The following SGCZ variants were observed in gnomAD, a reference collection of about 807,000 sequenced individuals.
SGCZ encodes the protein zeta-sarcoglycan.
A neutral mutation model predicts 41.3 loss-of-function variants in SGCZ; 40 were observed. That is an observed-to-expected ratio of 0.97 (90% CI 0.75 to 1.26). The LOEUF (loss-of-function observed/expected upper bound fraction) is 1.26, where lower values mean the gene tolerates loss of function less well. Among genes scored for constraint, SGCZ ranks in the 50% most tolerant of loss-of-function variants. SGCZ has a pLI of 0.00. For synonymous variants in SGCZ, 206 were observed against 137.5 expected, an observed-to-expected ratio of 1.50 and a Z score of -3.49; for missense variants, 552 against 369.8, an observed-to-expected ratio of 1.49 and a Z score of -4.04.
At chr8:14,618,429 G>T (rs1425793600) in intron 1 of SGCZ, among the ~76,000 whole-genome samples, 1 of 152,094 alleles carries the variant, frequency 6.6e-6, no homozygotes, top group Non-Finnish European at 1.5e-5. Context: ...TAGCCAGAAA[G>T]TCCAGTATAG....
At chr8:15,144,330 G>C (rs1169053864) in intron 1 of SGCZ, among the ~76,000 whole-genome samples, 2 of 152,128 alleles carry the variant, frequency 1.3e-5, no homozygotes, top group African/African-American at 2.4e-5. Flanking sequence ...TACAGCTTCT[G>C]TGTTATTTTT....
chr8:15,021,962 T>C (rs527300662), intron 1 of SGCZ, among the ~76,000 whole-genome samples: 3 of 152,328 alleles, frequency 2.0e-5, no homozygotes, highest in South Asian at 4.1e-4. Flanking sequence ...GACCCAATTT[T>C]ATGGAAATAA....
At chr8:14,819,958 G>A (rs547956980) in intron 1 of SGCZ, among the ~76,000 whole-genome samples, 1 of 152,000 alleles carries the variant, frequency 6.6e-6, no homozygotes, top group South Asian at 2.1e-4. Context: ...AAGGAACAAT[G>A]TACCTATAAA....
At chr8:15,037,198 C>A (rs915102143) in intron 1 of SGCZ, among the ~76,000 whole-genome samples, 1 of 152,106 alleles carries the variant, frequency 6.6e-6, no homozygotes, top group Non-Finnish European at 1.5e-5. Flanking sequence ...AGGAGGGACC[C>A]AGTAGGAGAT....
At chr8:15,155,448 ACTC>A (rs1466122354) in intron 1 of SGCZ, among the ~76,000 whole-genome samples, 2 of 152,234 alleles carry the variant, frequency 1.3e-5, no homozygotes, top group East Asian at 1.9e-4. Context: ...GCAAAACAAT[ACTC>A]CTATCTTGAC....
intron 2 of SGCZ, among the ~76,000 whole-genome samples, chr8:14,365,253 A>T (rs540790379): frequency 7.9e-4 from 120 of 152,212 alleles, no homozygotes; most frequent in Admixed American, 2.4e-3. Context: ...TCTCAAAAAC[A>T]TACATTTTCT....
At chr8:14,733,994 T>C (rs999372995) in intron 1 of SGCZ, among the ~76,000 whole-genome samples, 4 of 152,196 alleles carry the variant, frequency 2.6e-5, no homozygotes, top group Non-Finnish European at 5.9e-5. Context: ...ACTCCATAAA[T>C]CAGTTAATGG....
At chr8:14,535,566 T>C (rs1803269285) in intron 2 of SGCZ, among the ~76,000 whole-genome samples, 1 of 151,934 alleles carries the variant, frequency 6.6e-6, no homozygotes, top group African/African-American at 2.4e-5. Flanking sequence ...AGGAAACAAA[T>C]CCTATTATCA....
rs371458416 is a variant in SGCZ, at chr8:14,553,011, A to G, written c.234+1721T>C. ...GAGAATATGCTTTACCTCTTTTATAATATTAATTTTAGTTAAAAAATGAGG... is the reference window on the plus strand; with the variant it reads ...GAGAATATGCTTTACCTCTTTTATAGTATTAATTTTAGTTAAAAAATGAGG... On this transcript the variant is annotated intron_variant, in intron 2 of 7. Transcript: ENST00000382080. 5.9e-5 allele frequency among the ~76,000 whole-genome samples: 9 copies of G among 152,100 alleles called. No individual in the cohort carries two copies. The East Asian group carries it at 9.7e-4, about 16-fold the overall frequency.
chr8:15,174,638 A>G (rs544610385), intron 1 of SGCZ, among the ~76,000 whole-genome samples: 8 of 152,292 alleles, frequency 5.3e-5, no homozygotes, highest in African/African-American at 1.9e-4. Context: ...CGATTGTACC[A>G]TTTTACAACC....
chr8:14,471,867 G>T (rs943985792), intron 2 of SGCZ, among the ~76,000 whole-genome samples: 1 of 151,844 alleles, frequency 6.6e-6, no homozygotes, highest in African/African-American at 2.4e-5. Flanking sequence ...TTTACTAAGG[G>T]TTCCAATGAA....
chr8:15,181,960 G>C (rs953985958), intron 1 of SGCZ, among the ~76,000 whole-genome samples: 6 of 152,106 alleles, frequency 3.9e-5, no homozygotes, highest in Admixed American at 3.3e-4. Context: ...ATCTTATGCA[G>C]TGAGAAAAAG....
At chr8:15,099,680 C>T (rs187411985) in intron 1 of SGCZ, among the ~76,000 whole-genome samples, 168 of 152,180 alleles carry the variant, frequency 1.1e-3, no homozygotes, top group African/African-American at 3.9e-3. Context: ...AAAATTACAC[C>T]AATATCTCTC....
chr8:14,254,708 G>A (rs1490561766), intron 3 of SGCZ, among the ~76,000 whole-genome samples: 2 of 151,992 alleles, frequency 1.3e-5, no homozygotes, highest in African/African-American at 2.4e-5. Context: ...AAATGAATAT[G>A]CATACTTACC....
At chr8:14,724,763 A>T (rs1585211197) in intron 1 of SGCZ, among the ~76,000 whole-genome samples, 1 of 152,172 alleles carries the variant, frequency 6.6e-6, no homozygotes, top group African/African-American at 2.4e-5. Flanking sequence ...TTGCATTTTA[A>T]TATAAGCATA....
chr8:14,651,956 A>C (rs112321900), intron 1 of SGCZ, among the ~76,000 whole-genome samples: 170 of 152,110 alleles, frequency 1.1e-3, no homozygotes, highest in South Asian at 3.5e-3. Flanking sequence ...TTTAAAAAAA[A>C]AGCAAACAAA....
chr8:14,260,812 G>T (rs10111297), intron 3 of SGCZ, among the ~76,000 whole-genome samples: 141,500 of 152,004 alleles, frequency 0.93, 66,617 homozygotes, highest in East Asian at 1. Flanking sequence ...ATGGATGAAA[G>T]TGGAAATCAT....
chr8:15,015,057 C>T (rs1040260470), intron 1 of SGCZ, among the ~76,000 whole-genome samples: 6 of 151,966 alleles, frequency 3.9e-5, no homozygotes, highest in African/African-American at 1.5e-4. Flanking sequence ...GCCTGGCAAA[C>T]ATGGCGAAAC....
At chr8:14,577,395 T>C (rs1804743949) in intron 1 of SGCZ, among the ~76,000 whole-genome samples, 1 of 147,858 alleles carries the variant, frequency 6.8e-6, no homozygotes, top group Non-Finnish European at 1.5e-5. Flanking sequence ...TTTTTTTTTT[T>C]TTTTTTTTTT....
Sources: gnomAD v4.1 joint callset for allele counts (sites outside exome capture counted in the v4.1 genomes callset) on GRCh38, gnomAD v4.1.1 for gene constraint, MANE v1.5 for transcripts, NCBI Gene and HGNC (gene_info 2026-07-23, HGNC 2026-07-21) for gene names.